IGF1: variants seen among roughly 807,000 people sequenced by gnomAD.
IGF1 encodes the protein insulin like growth factor 1, also known as insulin-like growth factor 1.
In IGF1, 4 loss-of-function variants were observed where a neutral mutation model predicts 13.8. The ratio of observed to expected loss-of-function variants is 0.29; its 90% CI spans 0.14 to 0.66. The LOEUF (loss-of-function observed/expected upper bound fraction) is 0.66. Ranked by LOEUF, IGF1 falls within the 30% of genes least tolerant of loss-of-function variation. The pLI, the probability that IGF1 is intolerant of heterozygous loss-of-function variation, is 0.78. For missense variants in IGF1, 124 were observed against 188.5 expected (o/e 0.66, Z 2.00); for synonymous variants, 76 against 72.6 (o/e 1.05, Z -0.23).
At chr12:102,456,266 GTA>G (rs1555247061) in intron 2 of IGF1, among the ~76,000 whole-genome samples, 2 of 133,372 alleles carry the variant, frequency 1.5e-5, no homozygotes, top group South Asian at 2.4e-4. Flanking sequence ...GTGTGTGTGT[GTA>G]TTGTCTAATC....
At chr12:102,470,272 G>T (rs1044482536) in intron 2 of IGF1, among the ~76,000 whole-genome samples, 1 of 152,174 alleles carries the variant, frequency 6.6e-6, no homozygotes, top group African/African-American at 2.4e-5. Context: ...TGCAGAGCTG[G>T]GGTTCAAACC....
chr12:102,463,417 TG>T (rs1454761532), intron 2 of IGF1: 2 of 152,218 alleles, frequency 1.3e-5, no homozygotes, highest in Non-Finnish European at 2.9e-5. Context: ...TAATTCCTTT[TG>T]TTTGGGGTCA....
upstream of IGF1, among the ~76,000 whole-genome samples, chr12:102,480,908 G>A (rs1592844285): frequency 1.3e-5 from 2 of 152,288 alleles, no homozygotes; most frequent in African/African-American, 4.8e-5. Flanking sequence ...AAAGGAATAT[G>A]GGGGATGGGA....
intron 2 of IGF1, among the ~76,000 whole-genome samples, chr12:102,455,552 T>TG (rs1164575815): frequency 6.6e-6 from 1 of 152,158 alleles, no homozygotes; most frequent in Non-Finnish European, 1.5e-5. Context: ...GCATTTCAAG[T>TG]GGGGGAGGAG....
intron 2 of IGF1, among the ~76,000 whole-genome samples, chr12:102,441,906 G>GCTGCTTCTTCTTCTTCCTTCTT: frequency 9.0e-5 from 9 of 100,290 alleles, no homozygotes; most frequent in Non-Finnish European, 1.7e-4. Flanking sequence ...CTATTACACT[G>GCTGCTTCTTCTTCTTCCTTCTT]CTTCTTCTCC....
At chr12:102,481,622 C>G (rs1881393617), upstream of IGF1, 3 of 152,060 alleles carry the variant, frequency 2.0e-5, no homozygotes, top group South Asian at 4.1e-4. Flanking sequence ...CAGTTTGTAC[C>G]TATTTCCCTT....
chr12:102,425,025 A>G, intron 2 of IGF1, among the ~76,000 whole-genome samples: 1 of 152,248 alleles, frequency 6.6e-6, no homozygotes, highest in East Asian at 1.9e-4. Flanking sequence ...GTTTAGAATA[A>G]CATGAGTATG....
chr12:102,412,484 T>C (rs530064341), intron 3 of IGF1, among the ~76,000 whole-genome samples: 1 of 152,292 alleles, frequency 6.6e-6, no homozygotes, highest in Non-Finnish European at 1.5e-5. Context: ...TTACAGATTC[T>C]AAATTGCTGC....
intron 2 of IGF1, among the ~76,000 whole-genome samples, chr12:102,467,795 G>T (rs1345412723): frequency 6.6e-6 from 1 of 152,192 alleles, no homozygotes; most frequent in Non-Finnish European, 1.5e-5. Context: ...TTGCTAAATG[G>T]AGGAATACTG....
At chr12:102,446,417 T>A (rs1878333213) in intron 2 of IGF1, among the ~76,000 whole-genome samples, 1 of 152,184 alleles carries the variant, frequency 6.6e-6, no homozygotes, top group South Asian at 2.1e-4. Context: ...TATTGGTCTA[T>A]TCAGGGATTC....
rs367603396 is a variant in IGF1 at position 102,402,548 on chromosome 12, C to A, written c.421G>T (p.Ala141Ser). ...TTGTTTCCTGCACTCCCTCTACTTG[C>A]GTTCTTCAAATGTACTTCCTATAAA... Reference protein sequence around the residue: ...KTQKEVHLKNASRGSAGNKNY... With the variant: ...KTQKEVHLKNSSRGSAGNKNY... The change falls in exon 4 of 4, where the codon GCA becomes TCA. Residue 141 changes from alanine to serine, a missense_variant. Around this residue, in one of 2 missense-constraint regions of IGF1, gnomAD observed 25 missense variants for 17.1 expected, o/e 1.47. Coordinates refer to ENST00000337514, the MANE Select transcript of IGF1 (RefSeq NM_000618.5). 1.2e-5 allele frequency: 9 copies of A among 780,776 alleles called. No individual in the cohort carries two copies. The highest frequency in any genetic ancestry group is 1.9e-5 in the Non-Finnish European group (8 of 417,944). The allele number at this position is 780,776 out of a possible 1,614,324, so 48.4% of individuals were successfully genotyped here. A position where few individuals can be genotyped will look rare whatever the true frequency, so the allele number is the denominator to read the frequency against.
chr12:102,430,002 A>G (rs1876597777), intron 2 of IGF1, among the ~76,000 whole-genome samples: 1 of 152,206 alleles, frequency 6.6e-6, no homozygotes, highest in African/African-American at 2.4e-5. Flanking sequence ...ACAGCTGGGG[A>G]AGCTCCTTTG....
chr12:102,456,244 G>A (rs1879392472), intron 2 of IGF1, among the ~76,000 whole-genome samples: 1 of 151,230 alleles, frequency 6.6e-6, no homozygotes, highest in Admixed American at 6.6e-5. Context: ...GTGTGTGTGT[G>A]TGTGTGTGTG....
intron 2 of IGF1, among the ~76,000 whole-genome samples, chr12:102,450,152 C>G (rs978381509): frequency 6.6e-6 from 1 of 152,092 alleles, no homozygotes; most frequent in Middle Eastern, 3.2e-3. Context: ...TGCTTTCTTC[C>G]CAGGGTTTTT....
At chr12:102,404,390 A>C (rs1456953602) in intron 3 of IGF1, among the ~76,000 whole-genome samples, 2 of 152,232 alleles carry the variant, frequency 1.3e-5, no homozygotes, top group African/African-American at 4.8e-5. Flanking sequence ...GCCAAGGCCC[A>C]TAGGGATCGG....
At chr12:102,472,035 C>T (rs529144380) in intron 2 of IGF1, among the ~76,000 whole-genome samples, 1 of 152,270 alleles carries the variant, frequency 6.6e-6, no homozygotes, top group African/African-American at 2.4e-5. Context: ...AGGGCTCCAT[C>T]AATCTAGTAA....
At chr12:102,417,963 C>T (rs769928521) in intron 3 of IGF1, 1 of 1,613,516 alleles carries the variant, frequency 6.2e-7, no homozygotes, top group East Asian at 2.2e-5. Flanking sequence ...ACCTTTCCTT[C>T]TCTGAGACTT....
Position 102,402,388 on chromosome 12 carries a change from A to G in IGF1, c.*119T>C. 1 of 774,402 alleles carries G rather than the reference A, an allele frequency of 1.3e-6. No individual in the cohort carries two copies. The highest frequency in any genetic ancestry group is 2.4e-6 in the Non-Finnish European group (1 of 414,700). The allele number at this position is 774,402 out of a possible 1,614,324, so 48.0% of individuals were successfully genotyped here. ...GTGTATTTCATTGGGGGAAACGCCC[A>G]TCTTTTAAATGTTATCAAACTTATT... On this transcript the variant is annotated 3_prime_UTR_variant, in exon 4 of 4. Transcript: ENST00000337514.
At chr12:102,435,932 A>G (rs538987280) in intron 2 of IGF1, among the ~76,000 whole-genome samples, 46 of 152,058 alleles carry the variant, frequency 3.0e-4, no homozygotes, top group Non-Finnish European at 8.8e-5. Flanking sequence ...TGCAATATCA[A>G]CTCCTAATAT....
Sources: gnomAD v4.1 joint callset for allele counts (sites outside exome capture counted in the v4.1 genomes callset) on GRCh38, gnomAD v4.1.1 for gene constraint, gnomAD v4.1.1 regional missense constraint, MANE v1.5 for transcripts, NCBI Gene and HGNC (gene_info 2026-07-23, HGNC 2026-07-21) for gene names.